NRXN3: variants seen among roughly 807,000 people sequenced by gnomAD.
NRXN3 encodes the protein neurexin 3.
NRXN3 carries 32 observed loss-of-function variants against 137.6 expected under a neutral mutation model. The ratio of observed to expected loss-of-function variants is 0.23; its 90% CI spans 0.18 to 0.31. The LOEUF is 0.31. Among genes scored for constraint, NRXN3 ranks in the 10% least tolerant of loss-of-function variants. NRXN3 has a pLI of 1.00. For missense variants in NRXN3, 1,574 were observed against 2,062.5 expected, an observed-to-expected ratio of 0.76 and a Z score of 4.59; for synonymous variants, 798 against 784.5, an observed-to-expected ratio of 1.02 and a Z score of -0.29.
At chr14:79,178,015 T>G (rs1414064199) in intron 15 of NRXN3, among the ~76,000 whole-genome samples, 3 of 152,222 alleles carry the variant, frequency 2.0e-5, no homozygotes, top group Non-Finnish European at 4.4e-5. Flanking sequence ...GTTGTTGCCA[T>G]CAAGGCCAGT....
chr14:79,578,894 T>C (rs1042638005), intron 16 of NRXN3, among the ~76,000 whole-genome samples: 4 of 152,192 alleles, frequency 2.6e-5, no homozygotes, highest in Non-Finnish European at 5.9e-5. Flanking sequence ...ACCCAGGGTA[T>C]GTGGCTGTAA....
At chr14:79,227,196 C>T (rs768193486) in intron 15 of NRXN3, among the ~76,000 whole-genome samples, 1 of 152,142 alleles carries the variant, frequency 6.6e-6, no homozygotes, top group African/African-American at 2.4e-5. Flanking sequence ...TAACACTTAT[C>T]ATTGAGCACT....
chr14:78,491,495 T>A (rs1384640829), intron 4 of NRXN3, among the ~76,000 whole-genome samples: 1 of 152,198 alleles, frequency 6.6e-6, no homozygotes, highest in Non-Finnish European at 1.5e-5. Context: ...TTGGAATGTA[T>A]TCTCAGGTCT....
chr14:79,784,272 G>T (rs1344059811), intron 19 of NRXN3, among the ~76,000 whole-genome samples: 2 of 152,060 alleles, frequency 1.3e-5, no homozygotes, highest in Non-Finnish European at 2.9e-5. Flanking sequence ...TCCTTCTTTG[G>T]GTTGCATGAT....
intron 4 of NRXN3, among the ~76,000 whole-genome samples, chr14:78,349,839 G>T (rs1365579795): frequency 6.6e-6 from 1 of 152,152 alleles, no homozygotes; most frequent in African/African-American, 2.4e-5. Context: ...TTTCATATTT[G>T]CATGCATATT....
At chr14:79,764,717 T>A (rs574811903) in intron 19 of NRXN3, among the ~76,000 whole-genome samples, 1 of 152,342 alleles carries the variant, frequency 6.6e-6, no homozygotes, top group Non-Finnish European at 1.5e-5. Context: ...GAAATCTGAC[T>A]GGCAGGCTGA....
In NRXN3 at chr14:79,145,148, C is replaced by T. The variant is rs374631218; in HGVS notation, c.3262+157007C>T. On this transcript the variant is annotated intron_variant, in intron 15 of 20. Transcript: ENST00000335750. ...AGAGTTTTCCTGAGTATTATGTGCA[C>T]GCTTAGTACAGTCATTGAGATACAT... is the stretch of plus-strand genomic sequence containing the variant. Among the ~76,000 whole-genome samples, 68 of 152,156 alleles carry T rather than the reference C, an allele frequency of 4.5e-4. No individual in the cohort carries two copies. The East Asian group carries it at 7.9e-3, about 18-fold the overall frequency.
chr14:78,733,590 G>A (rs2098527105), intron 8 of NRXN3, among the ~76,000 whole-genome samples: 1 of 152,160 alleles, frequency 6.6e-6, no homozygotes, highest in African/African-American at 2.4e-5. Flanking sequence ...AACTTGTATT[G>A]TCTCCCAGAG....
intron 4 of NRXN3, among the ~76,000 whole-genome samples, chr14:78,454,881 C>T (rs532628769): frequency 2.0e-5 from 3 of 152,232 alleles, no homozygotes; most frequent in South Asian, 2.1e-4. Flanking sequence ...GACTGGAAAG[C>T]GGAGCAAGGA....
intron 10 of NRXN3, among the ~76,000 whole-genome samples, chr14:78,844,649 G>A (rs951486273): frequency 2.0e-5 from 3 of 152,042 alleles, no homozygotes; most frequent in African/African-American, 7.2e-5. Context: ...AGTTGCTGTA[G>A]TTCCAGGCAT....
intron 15 of NRXN3, among the ~76,000 whole-genome samples, chr14:79,193,123 T>C (rs1443580420): frequency 3.7e-5 from 4 of 106,740 alleles, no homozygotes; most frequent in African/African-American, 7.2e-5. Flanking sequence ...GGCTTTGTCA[T>C]AGAAGGGTTT....
chr14:79,831,499 G>C (rs1387772098), intron 20 of NRXN3, among the ~76,000 whole-genome samples: 2 of 152,182 alleles, frequency 1.3e-5, no homozygotes, highest in Non-Finnish European at 2.9e-5. Flanking sequence ...TGTATCCATA[G>C]ATTTCTTAGA....
intron 15 of NRXN3, among the ~76,000 whole-genome samples, chr14:79,139,225 G>C (rs966673807): frequency 6.6e-6 from 1 of 152,148 alleles, no homozygotes; most frequent in Non-Finnish European, 1.5e-5. Context: ...TCCATGAATG[G>C]GATCATCTAA....
At chr14:79,452,594 G>T (rs1389175704) in intron 15 of NRXN3, among the ~76,000 whole-genome samples, 3 of 152,136 alleles carry the variant, frequency 2.0e-5, no homozygotes, top group South Asian at 2.1e-4. Context: ...TTCAAATGTA[G>T]GGATTATGCA....
intron 6 of NRXN3, among the ~76,000 whole-genome samples, chr14:78,686,445 C>T (rs2098126584): frequency 6.6e-6 from 1 of 152,194 alleles, no homozygotes; most frequent in African/African-American, 2.4e-5. Flanking sequence ...TAATTGTCTG[C>T]TTTGATGGTG....
Position 79,219,549 on chromosome 14 carries a change from T to C in NRXN3, c.3262+231408T>C, listed in dbSNP as rs182567979. On this transcript the variant is annotated intron_variant, in intron 15 of 20. Transcript: ENST00000335750. The stretch of plus-strand genomic sequence containing the variant: ...ATTTACTAAATAAAGCAGAGAGACT[T>C]TTCCAAATTGTATTTATTATCTTTA... Among the ~76,000 whole-genome samples the C allele has an allele frequency of 2.9e-3, 441 of 152,296 alleles. 4 individuals carry two copies. The highest frequency in any genetic ancestry group is 3.4e-3 in the Middle Eastern group (1 of 294).
intron 15 of NRXN3, among the ~76,000 whole-genome samples, chr14:79,026,612 G>T (rs781045925): frequency 1.3e-5 from 2 of 152,070 alleles, no homozygotes; most frequent in Non-Finnish European, 2.9e-5. Flanking sequence ...CCCAGTAACG[G>T]AACTGCAGGA....
chr14:79,849,303 A>G (rs2099386907), intron 20 of NRXN3, among the ~76,000 whole-genome samples: 1 of 152,228 alleles, frequency 6.6e-6, no homozygotes. Context: ...AGAAATCAAT[A>G]CAATGAAAAG....
chr14:79,445,572 A>C (rs1443553461), intron 15 of NRXN3, among the ~76,000 whole-genome samples: 1 of 152,132 alleles, frequency 6.6e-6, no homozygotes, highest in African/African-American at 2.4e-5. Flanking sequence ...GGATGAGGGA[A>C]AGTTGCTACT....
Sources: allele counts gnomAD v4.1 joint callset (sites outside exome capture counted in the v4.1 genomes callset), GRCh38; gene constraint gnomAD v4.1.1; transcripts MANE v1.5; gene names NCBI Gene and HGNC (gene_info 2026-07-23, HGNC 2026-07-21).